TSHZ2: variants seen among roughly 807,000 people sequenced by gnomAD.
TSHZ2 encodes the protein teashirt zinc finger homeobox 2.
A neutral mutation model predicts 74.4 loss-of-function variants in TSHZ2; 21 were observed. The ratio of observed to expected loss-of-function variants is 0.28; its 90% CI spans 0.20 to 0.41. The LOEUF is 0.41. Ranked by LOEUF, TSHZ2 falls within the 10% of genes least tolerant of loss-of-function variation. TSHZ2 has a pLI of 1.00. For missense variants in TSHZ2, 1,244 were observed against 1,293.5 expected (o/e 0.96, Z 0.59); for synonymous variants, 540 against 515.3 (o/e 1.05, Z -0.65).
chr20:53,219,545 TG>T (rs1989509352), intron 1 of TSHZ2, among the ~76,000 whole-genome samples: 1 of 152,248 alleles, frequency 6.6e-6, no homozygotes, highest in Non-Finnish European at 1.5e-5. Flanking sequence ...GCTAGCAATT[TG>T]TGACTGTTAC....
chr20:53,133,733 C>T (rs1344750308), intron 1 of TSHZ2, among the ~76,000 whole-genome samples: 1 of 152,034 alleles, frequency 6.6e-6, no homozygotes, highest in Non-Finnish European at 1.5e-5. Flanking sequence ...GTATTGGGAG[C>T]ATTGTCCTAA....
chr20:53,472,716 C>CG (rs970006466), intron 2 of TSHZ2, among the ~76,000 whole-genome samples: 6 of 151,680 alleles, frequency 4.0e-5, no homozygotes, highest in East Asian at 2.0e-4. Context: ...ACGCAGAAGA[C>CG]GGTGATTTCT....
intron 1 of TSHZ2, among the ~76,000 whole-genome samples, chr20:53,104,165 G>A (rs376965830): frequency 3.1e-4 from 47 of 151,834 alleles, no homozygotes; most frequent in African/African-American, 1.1e-3. Flanking sequence ...CACTGGGCAC[G>A]CGTGCTGTGA....
chr20:53,108,792 G>A (rs1027717177), intron 1 of TSHZ2, among the ~76,000 whole-genome samples: 3 of 152,188 alleles, frequency 2.0e-5, no homozygotes, highest in Admixed American at 6.5e-5. Flanking sequence ...AAGAGTAACA[G>A]AGCCCCACAT....
intron 1 of TSHZ2, among the ~76,000 whole-genome samples, chr20:53,211,856 A>G (rs1989314241): frequency 6.6e-6 from 1 of 152,122 alleles, no homozygotes; most frequent in South Asian, 2.1e-4. Flanking sequence ...CATTGTACCC[A>G]ATAGGTAACT....
At chr20:53,023,263 C>A (rs1273782240) in intron 1 of TSHZ2, among the ~76,000 whole-genome samples, 1 of 152,148 alleles carries the variant, frequency 6.6e-6, no homozygotes, top group African/African-American at 2.4e-5. Flanking sequence ...GTGTTCATGG[C>A]CTTTCAAGGC....
At chr20:53,253,153 A>C (rs895229713) in intron 1 of TSHZ2, among the ~76,000 whole-genome samples, 3 of 152,204 alleles carry the variant, frequency 2.0e-5, no homozygotes, top group Non-Finnish European at 4.4e-5. Context: ...TTAATGGGAT[A>C]TGAATTTCAA....
chr20:53,434,836 A>C (rs537433919), intron 2 of TSHZ2, among the ~76,000 whole-genome samples: 5 of 152,366 alleles, frequency 3.3e-5, no homozygotes, highest in African/African-American at 1.2e-4. Flanking sequence ...GCTTTGGCCA[A>C]GCCGAGAGCA....
rs144168607 is a variant in TSHZ2 at position 53,275,745 on chromosome 20, T to C, written c.*8+19174T>C. Among the ~76,000 whole-genome samples the C allele has an allele frequency of 3.1e-3, 476 of 152,294 alleles. 1 individual carries two copies. Among genetic ancestry groups the C allele is most frequent in the African/African-American group, 0.011 (454 of 41,566 alleles). On this transcript the variant is annotated intron_variant, in intron 2 of 2. Coordinates refer to ENST00000371497, the MANE Select transcript of TSHZ2 (RefSeq NM_173485.6). ...GAGTTCAAGACCAGTCTGACCAACA[T>C]GGAGAAACCCCATCTCTACTAAAAG...
chr20:53,118,714 G>A (rs976935658), intron 1 of TSHZ2, among the ~76,000 whole-genome samples: 1 of 152,146 alleles, frequency 6.6e-6, no homozygotes. Flanking sequence ...GAAGCTGTAA[G>A]CAGCCAGCAG....
chr20:53,462,093 AAAG>A (rs1985393361), intron 2 of TSHZ2, among the ~76,000 whole-genome samples: 1 of 152,030 alleles, frequency 6.6e-6, no homozygotes, highest in Non-Finnish European at 1.5e-5. Flanking sequence ...AAAAAGAAAA[AAAG>A]AAAAAAAACT....
intron 1 of TSHZ2, among the ~76,000 whole-genome samples, chr20:53,135,060 T>C (rs572196539): frequency 2.6e-5 from 4 of 151,958 alleles, no homozygotes; most frequent in African/African-American, 9.7e-5. Flanking sequence ...TGCCTTTTTA[T>C]TTTTTAATCT....
intron 2 of TSHZ2, among the ~76,000 whole-genome samples, chr20:53,418,701 C>A (rs559620178): frequency 1.3e-5 from 2 of 152,262 alleles, no homozygotes; most frequent in South Asian, 4.1e-4. Flanking sequence ...GACACAGAGT[C>A]AAACCGTATC....
At chr20:53,298,223 A>G (rs535279367) in intron 2 of TSHZ2, among the ~76,000 whole-genome samples, 2 of 152,378 alleles carry the variant, frequency 1.3e-5, no homozygotes, top group East Asian at 1.9e-4. Flanking sequence ...GGAGACATCA[A>G]TTGTAACTAT....
chr20:53,095,240 G>A (rs763148176), intron 1 of TSHZ2, among the ~76,000 whole-genome samples: 24 of 152,170 alleles, frequency 1.6e-4, no homozygotes, highest in African/African-American at 2.7e-4. Context: ...CTCTCTCCTC[G>A]TGGTAACCAG....
chr20:53,003,061 A>C (rs1407517090), intron 1 of TSHZ2, among the ~76,000 whole-genome samples: 1 of 152,232 alleles, frequency 6.6e-6, no homozygotes. Flanking sequence ...CTAAAGGACA[A>C]ATACATTATC....
intron 1 of TSHZ2, among the ~76,000 whole-genome samples, chr20:53,023,461 A>G (rs553185080): frequency 6.6e-6 from 1 of 152,290 alleles, no homozygotes; most frequent in African/African-American, 2.4e-5. Context: ...TATTAACCAA[A>G]TGGTTTTGGC....
At chr20:53,158,893 A>C (rs116098282) in intron 1 of TSHZ2, among the ~76,000 whole-genome samples, 1,911 of 152,308 alleles carry the variant, frequency 0.013, 34 homozygotes, top group African/African-American at 0.043. Flanking sequence ...AAGCCACAAC[A>C]ATCTTTCTTT....
chr20:53,211,333 G>A (rs1441846588), intron 1 of TSHZ2, among the ~76,000 whole-genome samples: 1 of 152,100 alleles, frequency 6.6e-6, no homozygotes, highest in Non-Finnish European at 1.5e-5. Flanking sequence ...CAAAACAAGA[G>A]GTCCATAGAT....
Sources: allele counts gnomAD v4.1 joint callset (sites outside exome capture counted in the v4.1 genomes callset), GRCh38; gene constraint gnomAD v4.1.1; transcripts MANE v1.5; gene names NCBI Gene and HGNC (gene_info 2026-07-23, HGNC 2026-07-21).